Variants in NTSR1 observed in about 807,000 individuals in gnomAD.
NTSR1 encodes neurotensin receptor 1, also known as neurotensin receptor type 1.
A neutral mutation model predicts 31.2 loss-of-function variants in NTSR1; 29 were observed. The observed-to-expected ratio is 0.93, with a 90% CI of 0.69 to 1.27. The LOEUF (loss-of-function observed/expected upper bound fraction) is 1.27, where lower values mean the gene tolerates loss of function less well. NTSR1 is among the 50% of genes most tolerant of loss of function. The probability of loss-of-function intolerance (pLI) is 0.00; values close to 1 mark genes in which losing one functional copy is unlikely to be tolerated. For missense variants in NTSR1, 697 were observed against 595.4 expected (o/e 1.17, Z -1.78); for synonymous variants, 282 against 269.9 (o/e 1.04, Z -0.44).
Position 62,709,507 on chromosome 20 carries a change from G to T in NTSR1, c.300G>T (p.Thr100=). Residue 100 remains threonine, a synonymous_variant, in exon 1 of 4, where the codon ACG becomes ACT. Coordinates refer to ENST00000370501, the MANE Select transcript of NTSR1 (RefSeq NM_002531.3). Reference sequence around the variant, plus strand: ...AGTCGCTGCAGAGCCTGCAGAGCACGGTGCATTACCACCTGGGCAGCCTGG... The same window carrying T: ...AGTCGCTGCAGAGCCTGCAGAGCACTGTGCATTACCACCTGGGCAGCCTGG... The part of the protein sequence containing the change: ...RKKSLQSLQS[T]VHYHLGSLAL... 6.2e-7 allele frequency: 1 copy of T among 1,612,538 alleles called. No individual in the cohort carries two copies.
At position 62,743,806 on chromosome 20, in the gene NTSR1, G is replaced by A. The variant is rs116296941; in HGVS notation, c.715-10879G>A. ...AAACAAGCAATTGCTCTCGAAGAGC[G>A]AGGTGAGAACGCCCTGCCTGAGGTC... is the stretch of plus-strand genomic sequence containing the variant. On this transcript the variant is annotated intron_variant, in intron 1 of 3. Transcript: ENST00000370501. This position sits in a 1 kb window ranked among gnomAD's most constrained non-coding sequence, Gnocchi z 7.5. Among the ~76,000 whole-genome samples the A allele has an allele frequency of 0.027, 4,176 of 152,314 alleles. 109 individuals are homozygous for A. The highest frequency in any genetic ancestry group is 0.075 in the African/African-American group (3,132 of 41,554).
At chr20:62,723,072 G>T (rs1988849082) in intron 1 of NTSR1, among the ~76,000 whole-genome samples, 1 of 152,220 alleles carries the variant, frequency 6.6e-6, no homozygotes, top group Non-Finnish European at 1.5e-5. Context: ...TTAGCCTGTT[G>T]TCTGTGAAAA....
intron 1 of NTSR1, among the ~76,000 whole-genome samples, chr20:62,752,567 G>T (rs1312447655): frequency 1.3e-5 from 2 of 152,232 alleles, no homozygotes; most frequent in Admixed American, 1.3e-4. Context: ...ATCCTCCAAC[G>T]GGGGCAGCCA....
rs749543986 is a variant in NTSR1 at position 62,709,365 on chromosome 20, A to G, written c.158A>G (p.Glu53Gly). The change falls in exon 1 of 4, where the codon GAG (glutamate) becomes GGG (glycine). Residue 53 changes from glutamate (E) to glycine (G), a missense_variant. Transcript: ENST00000370501. ...CGCGTCCTGGCGGCACCCAGCAGCG[A>G]GCTGGACGTGAACACCGACATCTAC... ...SERVLAAPSS[E>G]LDVNTDIYSK... 17 of 1,609,992 alleles carry G rather than the reference A, an allele frequency of 1.1e-5. No homozygotes were observed. Among genetic ancestry groups the G allele is most frequent in the Non-Finnish European group, 1.4e-5 (17 of 1,178,150 alleles).
At position 62,743,802 on chromosome 20, in the gene NTSR1, G is replaced by A. The variant is rs1340411951; in HGVS notation, c.715-10883G>A. Among the ~76,000 whole-genome samples the A allele has an allele frequency of 6.6e-6, 1 of 152,208 alleles. No homozygotes were observed. The highest frequency in any genetic ancestry group is 1.5e-5 in the Non-Finnish European group (1 of 68,034). On this transcript the variant is annotated intron_variant, in intron 1 of 3. Coordinates refer to ENST00000370501, the MANE Select transcript of NTSR1 (RefSeq NM_002531.3). The surrounding 1 kb of genome is among the most constrained non-coding windows in gnomAD (Gnocchi z 7.5). ...TACAAAACAAGCAATTGCTCTCGAA[G>A]AGCGAGGTGAGAACGCCCTGCCTGA... is the stretch of plus-strand genomic sequence containing the variant.
Position 62,709,465 on chromosome 20 carries a change from C to T in NTSR1, c.258C>T (p.Phe86=). ...VGTVGNTVTA[F]TLARKKSLQS... ...CGGTGGGCAACACGGTGACGGCGTT[C>T]ACGCTGGCGCGGAAGAAGTCGCTGC... Residue 86 remains phenylalanine (F), a synonymous_variant, in exon 1 of 4, where the codon TTC becomes TTT. Transcript: ENST00000370501. The T allele has an allele frequency of 6.2e-7, 1 of 1,612,590 alleles. No individual in the cohort carries two copies. The highest frequency in any genetic ancestry group is 8.5e-7 in the Non-Finnish European group (1 of 1,179,812).
chr20:62,721,202 T>C (rs986604646), intron 1 of NTSR1, among the ~76,000 whole-genome samples: 7 of 152,234 alleles, frequency 4.6e-5, no homozygotes, highest in African/African-American at 1.7e-4. Context: ...TAGTTTCTTT[T>C]TGTCTTTTAA....
At chr20:62,717,762 C>T (rs61306935) in intron 1 of NTSR1, among the ~76,000 whole-genome samples, 1,705 of 151,828 alleles carry the variant, frequency 0.011, 34 homozygotes, top group African/African-American at 0.039. Context: ...ATCATTCATT[C>T]ACTGAACACC....
intron 1 of NTSR1, among the ~76,000 whole-genome samples, chr20:62,748,463 A>G (rs1989340149): frequency 6.6e-6 from 1 of 152,190 alleles, no homozygotes; most frequent in South Asian, 2.1e-4. Flanking sequence ...ACAGACCTCA[A>G]ATAGTCAAAG....
In NTSR1 at chr20:62,760,419, C is replaced by G. The variant is rs1989600229; in HGVS notation, c.*152C>G. On this transcript the variant is annotated 3_prime_UTR_variant, in exon 4 of 4. Coordinates refer to ENST00000370501, the MANE Select transcript of NTSR1 (RefSeq NM_002531.3). ...GGCCTGGGACCCCCCCCTCCCACCC[C>G]CTAACCCATGTTTCTCATTAGTGTC... 9.3e-6 allele frequency: 7 copies of G among 751,050 alleles called. No individual in the cohort carries two copies. The highest frequency in any genetic ancestry group is 1.5e-5 in the Non-Finnish European group (7 of 479,154). The allele number at this position is 751,050 out of a possible 1,614,324, so 46.5% of individuals were successfully genotyped here.
chr20:62,744,571 A>AT lies in NTSR1; in HGVS notation c.715-10114_715-10113insT. On this transcript the variant is annotated intron_variant, in intron 1 of 3. Transcript: ENST00000370501. This position sits in a 1 kb window ranked among gnomAD's most constrained non-coding sequence, Gnocchi z 4.1. ...CTCCGTCTCAAAAAAAAAAAAAAAT[A>AT]CAAAATTAGCCAGGCATGGTGGCAC... Among the ~76,000 whole-genome samples the AT allele has an allele frequency of 6.6e-6, 1 of 150,932 alleles. No homozygotes were observed. Among genetic ancestry groups the AT allele is most frequent in the Admixed American group, 6.6e-5 (1 of 15,180 alleles).
In NTSR1 at chr20:62,732,153, C is replaced by A. The variant is rs912115647; in HGVS notation, c.714+22232C>A. On this transcript the variant is annotated intron_variant, in intron 1 of 3. Coordinates refer to ENST00000370501, the MANE Select transcript of NTSR1 (RefSeq NM_002531.3). The surrounding 1 kb of genome is among the most constrained non-coding windows in gnomAD (Gnocchi z 4.0). ...AAAAAAAATTACACTGTACCGATAA[C>A]TGGGGCTTTATAGCAAGTGTTGAAA... Among the ~76,000 whole-genome samples the A allele has an allele frequency of 3.3e-5, 5 of 151,520 alleles. No individual in the cohort carries two copies. The highest frequency in any genetic ancestry group is 2.6e-4 in the Admixed American group (4 of 15,202).
intron 1 of NTSR1, among the ~76,000 whole-genome samples, chr20:62,731,946 C>G (rs1024340956): frequency 2.6e-5 from 4 of 152,108 alleles, no homozygotes; most frequent in African/African-American, 9.7e-5. Flanking sequence ...TAGTGAAACC[C>G]CCATCTCTAC....
At chr20:62,755,277 CTCCCTCCT>C in intron 2 of NTSR1, among the ~76,000 whole-genome samples, 1 of 129,030 alleles carries the variant, frequency 7.8e-6, no homozygotes, top group Non-Finnish European at 1.7e-5. Flanking sequence ...CCATCCCTCT[CTCCCTCCT>C]TCCCTCCATT....
chr20:62,738,060 G>T (rs563852023), intron 1 of NTSR1, among the ~76,000 whole-genome samples: 10 of 152,130 alleles, frequency 6.6e-5, no homozygotes, highest in Non-Finnish European at 2.9e-5. Flanking sequence ...ATCTGCCCAC[G>T]TCTGCCCCCC....
At chr20:62,749,242 C>T (rs1046995833) in intron 1 of NTSR1, among the ~76,000 whole-genome samples, 1 of 152,096 alleles carries the variant, frequency 6.6e-6, no homozygotes, top group African/African-American at 2.4e-5. Context: ...GAGATCGAGA[C>T]CATCCTGGCT....
At chr20:62,752,103 TC>T (rs1989402600) in intron 1 of NTSR1, among the ~76,000 whole-genome samples, 1 of 152,180 alleles carries the variant, frequency 6.6e-6, no homozygotes, top group African/African-American at 2.4e-5. Flanking sequence ...ACAACAGCTC[TC>T]GTGTTTTATA....
intron 1 of NTSR1, 138 bp downstream of exon 1, chr20:62,710,059 G>A: frequency 2.7e-6 from 2 of 746,446 alleles, no homozygotes; most frequent in Non-Finnish European, 4.3e-6. Flanking sequence ...GGCGGTTGGG[G>A]CAGCTTGGGG....
At chr20:62,754,975 G>A in intron 2 of NTSR1, 89 bp downstream of exon 2, 1 of 1,309,076 alleles carries the variant, frequency 7.6e-7, no homozygotes, top group Admixed American at 2.2e-5. Context: ...CCTGGGCAAG[G>A]TTTAAAGACA....
Sources: allele counts gnomAD v4.1 joint callset (sites outside exome capture counted in the v4.1 genomes callset), GRCh38; gene constraint gnomAD v4.1.1; non-coding constraint Gnocchi (gnomAD v3.1); transcripts MANE v1.5; gene names NCBI Gene and HGNC (gene_info 2026-07-23, HGNC 2026-07-21).